Variants in KARS1 observed in about 807,000 individuals in gnomAD.
The protein encoded by KARS1 is lysyl-tRNA synthetase 1, also known as lysine--tRNA ligase.
A neutral mutation model predicts 63.9 loss-of-function variants in KARS1; 50 were observed. The observed-to-expected ratio is 0.78, with a 90% CI of 0.62 to 0.99. The LOEUF is 0.99. Ranked by LOEUF, KARS1 falls within the 50% of genes least tolerant of loss-of-function variation. The pLI is 0.00. For synonymous variants in KARS1, 320 were observed against 264.6 expected (o/e 1.21, Z -2.03); for missense variants, 816 against 754.5 (o/e 1.08, Z -0.95).
At chr16:75,636,228 G>A in intron 4 of KARS1, 130 bp from the exon 5 acceptor site, 1 of 718,840 alleles carries the variant, frequency 1.4e-6, no homozygotes, top group South Asian at 1.6e-5. Context: ...CAGATTCAGG[G>A]GCCACTATTA....
chr16:75,629,365 G>A, intron 12 of KARS1, 50 bp downstream of exon 12: 2 of 1,611,140 alleles, frequency 1.2e-6, no homozygotes, highest in Non-Finnish European at 1.7e-6. Context: ...GTTAAGGCTG[G>A]TATTTCCTGG....
At chr16:75,632,933 G>C (rs1308651107) in intron 7 of KARS1, among the ~76,000 whole-genome samples, 4 of 152,168 alleles carry the variant, frequency 2.6e-5, no homozygotes, top group Non-Finnish European at 4.4e-5. Flanking sequence ...TTAGGTCATA[G>C]GGTAAATACT....
chr16:75,628,598 T>C lies in KARS1; in HGVS notation c.1666A>G (p.Met556Val). The change falls in exon 13 of 14, where the codon ATG (methionine) becomes GTG (valine). Residue 556 changes from methionine to valine, a missense_variant. Physicochemically the swap from Met to Val is conservative, Grantham distance 21. Coordinates refer to ENST00000302445, the MANE Select transcript of KARS1 (RefSeq NM_005548.3). Reference protein sequence around the residue: ...GWGMGIDRVAMFLTDSNNIKE... With the variant: ...GWGMGIDRVAVFLTDSNNIKE... ...ATGTTGTTGGAGTCCGTGAGAAACA[T>C]GGCGACTCGATCAATGCCCATGCCC... 2.5e-6 allele frequency: 4 copies of C among 1,614,076 alleles called. No homozygotes were observed. Among genetic ancestry groups the C allele is most frequent in the Non-Finnish European group, 3.4e-6 (4 of 1,180,028 alleles).
intron 1 of KARS1, chr16:75,644,536 G>A: frequency 9.1e-7 from 1 of 1,102,186 alleles, no homozygotes; most frequent in South Asian, 1.8e-5. Context: ...TCTCTTATGG[G>A]TTGGGGAGGG....
At chr16:75,635,869 C>T (rs750755615) in intron 5 of KARS1, 43 bp downstream of exon 5, 4 of 1,613,852 alleles carry the variant, frequency 2.5e-6, no homozygotes, top group African/African-American at 1.3e-5. Flanking sequence ...ATAAAACAAA[C>T]AGAAAGCTAG....
chr16:75,644,488 G>C (rs1056089762), intron 1 of KARS1: 3 of 1,539,806 alleles, frequency 1.9e-6, no homozygotes, highest in Non-Finnish European at 2.6e-6. Flanking sequence ...GAGATGTGGT[G>C]TCAGATGGGA....
At position 75,627,831 on chromosome 16, in the gene KARS1, C is replaced by G. The variant is rs2082067212; in HGVS notation, c.*64G>C. 1 of 910,418 alleles carries G rather than the reference C, an allele frequency of 1.1e-6. No individual in the cohort carries two copies. Among genetic ancestry groups the G allele is most frequent in the African/African-American group, 1.6e-5 (1 of 61,002 alleles). The allele number at this position is 910,418 out of a possible 1,614,324, so 56.4% of individuals were successfully genotyped here. ...AAAGCAGCACACAAGAATTCCCTTG[C>G]AGACCTTGATCTTTCGCAGAAATGC... On this transcript the variant is annotated 3_prime_UTR_variant, in exon 14 of 14. Coordinates refer to ENST00000302445, the MANE Select transcript of KARS1 (RefSeq NM_005548.3).
chr16:75,644,222 T>C (rs2082255693), intron 1 of KARS1: 5 of 1,485,522 alleles, frequency 3.4e-6, no homozygotes, highest in Non-Finnish European at 4.6e-6. Context: ...TAACGGAAAA[T>C]GAACCAAGTA....
At chr16:75,631,636 C>G in intron 8 of KARS1, 47 bp from the exon 9 acceptor site, 2 of 1,613,830 alleles carry the variant, frequency 1.2e-6, no homozygotes, top group Middle Eastern at 1.7e-4. Flanking sequence ...CCAGGCAGCC[C>G]TCCTCTGAAA....
Position 75,634,293 on chromosome 16 carries a change from C to A in KARS1, c.796-1G>T. 6.2e-7 allele frequency: 1 copy of A among 1,613,884 alleles called. No individual in the cohort carries two copies. The highest frequency in any genetic ancestry group is 8.5e-7 in the Non-Finnish European group (1 of 1,179,878). On this transcript the variant is annotated splice_acceptor_variant, in intron 6 of 13. Transcript: ENST00000302445. LOFTEE classifies it high-confidence loss of function. The stretch of plus-strand genomic sequence containing the variant: ...TGATGTTCATCATGGGAGTTTCAAT[C>A]TAAAAAAGGCAGGGAGAAACATCAG...
chr16:75,637,639 C>T (rs559102919), intron 3 of KARS1, among the ~76,000 whole-genome samples: 269 of 151,954 alleles, frequency 1.8e-3, no homozygotes, highest in Non-Finnish European at 3.3e-3. Context: ...ATTAGCCAGG[C>T]GTGGTGGCGC....
intron 6 of KARS1, among the ~76,000 whole-genome samples, chr16:75,634,558 T>C (rs2082143845): frequency 6.6e-6 from 1 of 152,232 alleles, no homozygotes. Flanking sequence ...ATAGCCTTTC[T>C]TGAGTTCAAT....
intron 3 of KARS1, among the ~76,000 whole-genome samples, chr16:75,638,288 T>C (rs2082186532): frequency 6.6e-6 from 1 of 152,070 alleles, no homozygotes; most frequent in South Asian, 2.1e-4. Context: ...CATATAGGTA[T>C]ACATGTGCCA....
Position 75,640,273 on chromosome 16 carries a change from T to G in KARS1, c.299A>C (p.His100Pro), listed in dbSNP as rs1298749484. The change falls in exon 3 of 14, where the codon CAT becomes CCT. Residue 100 changes from histidine (H) to proline (P), a missense_variant. By Grantham distance (77) the His-to-Pro change is moderately conservative (BLOSUM62 -2). Transcript: ENST00000302445. ...NGEDPYPHKF[H>P]VDISLTDFIQ... ...GAAGTCAGTGAGTGAGATGTCTACATGGAACTTGTGTGGGTATGGGTCTTC... is the reference window on the plus strand; with the variant it reads ...GAAGTCAGTGAGTGAGATGTCTACAGGGAACTTGTGTGGGTATGGGTCTTC... 1.2e-6 allele frequency: 2 copies of G among 1,613,498 alleles called. No homozygotes were observed.
intron 4 of KARS1, 60 bp downstream of exon 4, chr16:75,636,394 C>G (rs984275035): frequency 3.9e-6 from 4 of 1,035,798 alleles, no homozygotes; most frequent in Non-Finnish European, 6.1e-6. Flanking sequence ...CCACATCAGC[C>G]TATTGCTGTG....
In KARS1 at chr16:75,636,489, T is replaced by C; in HGVS notation, c.447A>G (p.Gly149=). The change falls in exon 4 of 14, where the codon GGA becomes GGG. Residue 149 remains glycine, a synonymous_variant. Coordinates refer to ENST00000302445, the MANE Select transcript of KARS1 (RefSeq NM_005548.3). ...GGKLIFYDLR[G]EGVKLQVMAN... ...CCATGACTTGCAACTTCACCCCCTC[T>C]CCTCGAAGATCATAGAAGATGAGCT... The C allele has an allele frequency of 6.2e-7, 1 of 1,613,574 alleles. No individual in the cohort carries two copies. Among genetic ancestry groups the C allele is most frequent in the South Asian group, 1.1e-5 (1 of 91,078 alleles).
chr16:75,633,864 T>A (rs1232303808), intron 7 of KARS1: 6 of 364,820 alleles, frequency 1.6e-5, no homozygotes. Context: ...CTCTTTCTTC[T>A]GTGAAAGACT....
intron 1 of KARS1, chr16:75,644,143 G>A: frequency 1.5e-6 from 1 of 656,108 alleles, no homozygotes; most frequent in Non-Finnish European, 2.6e-6. Flanking sequence ...AAATGAGAAA[G>A]GACTATTGGT....
In KARS1 at chr16:75,635,744, A is replaced by C. The variant is rs138062606; in HGVS notation, c.731T>G (p.Phe244Cys). ...TGTGATGATCTTAGAGCGGATGATA[A>C]ATTTCTGCCTCACAAAGTCATTCAG... ...LILNDFVRQK[F>C]IIRSKIITYI... The change falls in exon 6 of 14, where the codon TTT (phenylalanine) becomes TGT (cysteine). Residue 244 changes from phenylalanine (F) to cysteine (C), a missense_variant. By Grantham distance (205) the Phe-to-Cys change is radical. Coordinates refer to ENST00000302445, the MANE Select transcript of KARS1 (RefSeq NM_005548.3). 23 of 1,614,054 alleles carry C rather than the reference A, an allele frequency of 1.4e-5. No homozygotes were observed. The highest frequency in any genetic ancestry group is 1.8e-5 in the Non-Finnish European group (21 of 1,180,010).
Sources: gnomAD v4.1 joint callset for allele counts (sites outside exome capture counted in the v4.1 genomes callset) on GRCh38, gnomAD v4.1.1 for gene constraint, MANE v1.5 for transcripts, NCBI Gene and HGNC (gene_info 2026-07-23, HGNC 2026-07-21) for gene names.